The following PDE4D variants were observed in gnomAD, a reference collection of about 807,000 sequenced individuals.
PDE4D encodes 3',5'-cyclic-AMP phosphodiesterase 4D.
In PDE4D, 24 loss-of-function variants were observed where a neutral mutation model predicts 87.4. That is an observed-to-expected ratio of 0.27 (90% CI 0.20 to 0.39). The LOEUF (loss-of-function observed/expected upper bound fraction) is 0.39. Ranked by LOEUF, PDE4D falls within the 10% of genes least tolerant of loss-of-function variation. PDE4D has a pLI of 1.00. For synonymous variants in PDE4D, 384 were observed against 383.2 expected (o/e 1.00, Z -0.02); for missense variants, 714 against 1,041.0 (o/e 0.69, Z 4.32).
intron 1 of PDE4D, among the ~76,000 whole-genome samples, chr5:59,505,938 C>G (rs547754064): frequency 6.6e-6 from 1 of 152,222 alleles, no homozygotes; most frequent in South Asian, 2.1e-4. Context: ...TTCATTTCAG[C>G]TCCATTGCCC....
chr5:59,224,817 G>C (rs1753385612), intron 1 of PDE4D, among the ~76,000 whole-genome samples: 1 of 152,150 alleles, frequency 6.6e-6, no homozygotes, highest in African/African-American at 2.4e-5. Flanking sequence ...GAGTGAGAAA[G>C]CAGCCATCTG....
chr5:60,092,851 T>C (rs1775277550), intron 2 of PDE4D, among the ~76,000 whole-genome samples: 1 of 152,188 alleles, frequency 6.6e-6, no homozygotes, highest in Admixed American at 6.5e-5. Context: ...CTTGGGACAC[T>C]CTTGACTCTG....
At position 59,653,208 on chromosome 5, in the gene PDE4D, ATTT is replaced by A. The variant is rs555841091; in HGVS notation, c.455+239957_455+239959del. Among the ~76,000 whole-genome samples, 26 of 125,736 alleles carry A rather than the reference ATTT, an allele frequency of 2.1e-4. 1 individual carries two copies. Among genetic ancestry groups the A allele is most frequent in the African/African-American group, 7.1e-4 (24 of 33,614 alleles). The allele number at this position is 125,736 out of a possible 152,430, so 82.5% of individuals were successfully genotyped here. ...TCAAATAATGTTAGCAAAAAAAAAA[ATTT>A]TTTTTTTTTTTTTTAGACAGAGTTT... On this transcript the variant is annotated intron_variant, in intron 1 of 14. Coordinates refer to ENST00000340635, the MANE Select transcript of PDE4D (RefSeq NM_001104631.2).
At chr5:60,323,161 C>G (rs533797056) in intron 1 of PDE4D, among the ~76,000 whole-genome samples, 1 of 152,318 alleles carries the variant, frequency 6.6e-6, no homozygotes, top group South Asian at 2.1e-4. Flanking sequence ...TCATGTACCA[C>G]CTGTACACTT....
intron 1 of PDE4D, among the ~76,000 whole-genome samples, chr5:59,492,747 G>A (rs1806447719): frequency 6.6e-6 from 1 of 152,086 alleles, no homozygotes. Context: ...TTGGATTGTA[G>A]CTCCCACAAT....
intron 1 of PDE4D, among the ~76,000 whole-genome samples, chr5:59,528,178 A>G (rs1322454844): frequency 1.3e-5 from 2 of 152,218 alleles, no homozygotes; most frequent in Non-Finnish European, 2.9e-5. Flanking sequence ...CAGGAAACAA[A>G]TCTATACTGA....
intron 1 of PDE4D, among the ~76,000 whole-genome samples, chr5:60,271,415 T>C (rs567892507): frequency 6.6e-6 from 1 of 152,320 alleles, no homozygotes; most frequent in South Asian, 2.1e-4. Context: ...GATCTAATTC[T>C]TTTCTTGTAA....
At chr5:59,504,190 G>A (rs1250360449) in intron 1 of PDE4D, among the ~76,000 whole-genome samples, 2 of 152,084 alleles carry the variant, frequency 1.3e-5, no homozygotes, top group Non-Finnish European at 2.9e-5. Flanking sequence ...GTAATATAGG[G>A]CCCATTTGAA....
intron 2 of PDE4D, among the ~76,000 whole-genome samples, chr5:60,046,886 T>A (rs1406435785): frequency 1.3e-5 from 2 of 152,244 alleles, no homozygotes; most frequent in African/African-American, 2.4e-5. Flanking sequence ...CCTCATCAAA[T>A]GAGTTAGGGA....
intron 3 of PDE4D, among the ~76,000 whole-genome samples, chr5:59,968,498 G>A (rs375923264): frequency 7.9e-5 from 12 of 152,034 alleles, no homozygotes; most frequent in African/African-American, 2.9e-4. Context: ...AGGGTAATGG[G>A]ATATACCATA....
chr5:60,249,960 C>A (rs1562258246), intron 1 of PDE4D, among the ~76,000 whole-genome samples: 1 of 151,864 alleles, frequency 6.6e-6, no homozygotes, highest in Non-Finnish European at 1.5e-5. Context: ...AAATGACTAC[C>A]AAAATTTCTA....
intron 2 of PDE4D, among the ~76,000 whole-genome samples, chr5:60,160,211 CA>C (rs1280370199): frequency 6.6e-6 from 1 of 152,040 alleles, no homozygotes; most frequent in Admixed American, 6.6e-5. Context: ...GTATATAATA[CA>C]AAAACATAAA....
At chr5:59,159,037 A>G (rs1452518513) in intron 5 of PDE4D, among the ~76,000 whole-genome samples, 1 of 152,210 alleles carries the variant, frequency 6.6e-6, no homozygotes, top group Non-Finnish European at 1.5e-5. Context: ...TAAAGCATCT[A>G]AAGAGTGTTC....
Position 59,989,646 on chromosome 5 carries a change from G to A in PDE4D, c.43-929C>T, listed in dbSNP as rs112900646. On this transcript the variant is annotated intron_variant, in intron 2 of 16. Coordinates refer to the PDE4D transcript ENST00000502484. ...CAGCTCAGCAGAATTTTGCAAATTT[G>A]ATCCATGTTATCCACATGCAAAGGT... 4.7e-4 allele frequency among the ~76,000 whole-genome samples: 71 copies of A among 152,212 alleles called. 4 individuals carry two copies. Among genetic ancestry groups the A allele is most frequent in the African/African-American group, 1.6e-3 (68 of 41,540 alleles).
At chr5:59,703,470 G>A (rs1329032234) in intron 1 of PDE4D, 1 of 495,490 alleles carries the variant, frequency 2.0e-6, no homozygotes, top group Non-Finnish European at 4.1e-6. Context: ...TAATACATAT[G>A]TATTGATACA....
chr5:60,442,668 A>G (rs1745331735), intron 1 of PDE4D, among the ~76,000 whole-genome samples: 1 of 152,182 alleles, frequency 6.6e-6, no homozygotes, highest in African/African-American at 2.4e-5. Flanking sequence ...GGGAATGTAA[A>G]GCAAAGCCTG....
At chr5:60,143,641 GTGTGTGTGTA>G (rs1434364895) in intron 2 of PDE4D, among the ~76,000 whole-genome samples, 7 of 139,168 alleles carry the variant, frequency 5.0e-5, no homozygotes, top group African/African-American at 2.0e-4. Context: ...GTGTGTGTGT[GTGTGTGTGTA>G]TGTGTGTGTG....
chr5:59,538,523 C>A (rs945005568), intron 1 of PDE4D, among the ~76,000 whole-genome samples: 2 of 152,088 alleles, frequency 1.3e-5, no homozygotes, highest in Admixed American at 6.6e-5. Flanking sequence ...CCCGTTCAAT[C>A]TATTTCCTAA....
At chr5:59,345,760 T>A (rs754279283) in intron 1 of PDE4D, among the ~76,000 whole-genome samples, 1 of 152,308 alleles carries the variant, frequency 6.6e-6, no homozygotes, top group Non-Finnish European at 1.5e-5. Flanking sequence ...GGGGGCGACA[T>A]AAATGTGGCA....
Sources: gnomAD v4.1 joint callset for allele counts (sites outside exome capture counted in the v4.1 genomes callset) on GRCh38, gnomAD v4.1.1 for gene constraint, MANE v1.5 for transcripts, NCBI Gene and HGNC (gene_info 2026-07-23, HGNC 2026-07-21) for gene names.